COL25A1: variants seen among roughly 807,000 people sequenced by gnomAD.
The protein encoded by COL25A1 is collagen type XXV alpha 1 chain.
Under a neutral mutation model 128.4 loss-of-function variants are expected in COL25A1, and 103 were observed. That is an observed-to-expected ratio of 0.80 (90% CI 0.68 to 0.94). The LOEUF (loss-of-function observed/expected upper bound fraction) is 0.94, where lower values mean the gene tolerates loss of function less well. Among genes scored for constraint, COL25A1 ranks in the 40% least tolerant of loss-of-function variants. The pLI, the probability that COL25A1 is intolerant of heterozygous loss-of-function variation, is 0.00. For synonymous variants in COL25A1, 279 were observed against 277.2 expected, an observed-to-expected ratio of 1.01 and a Z score of -0.06; for missense variants, 745 against 840.0, an observed-to-expected ratio of 0.89 and a Z score of 1.40.
chr4:109,079,546 A>T (rs1763657027), intron 3 of COL25A1, among the ~76,000 whole-genome samples: 1 of 152,178 alleles, frequency 6.6e-6, no homozygotes, highest in East Asian at 1.9e-4. Context: ...GTACACAGAG[A>T]TATACAAACA....
intron 3 of COL25A1, among the ~76,000 whole-genome samples, chr4:109,131,633 A>C (rs963861062): frequency 1.4e-4 from 21 of 152,216 alleles, no homozygotes; most frequent in Non-Finnish European, 1.9e-4. Context: ...CAGAGCAGTA[A>C]AATCTTCCCT....
rs28644362 is a variant in COL25A1 at position 108,942,127 on chromosome 4, C to T, written c.493-690G>A. 3.4e-3 allele frequency: 4,861 copies of T among 1,409,466 alleles called. 128 individuals are homozygous for T. In the East Asian group the frequency reaches 0.057, roughly 16 times the overall value. 87.3% of individuals were successfully genotyped at this position (1,409,466 alleles called of 1,614,324 possible). A position where few individuals can be genotyped will look rare whatever the true frequency, so the allele number is the denominator to read the frequency against. ...TACCATGAGAGGAAGCCAACGGGCT[C>T]GGCAAGCCAATTGAATGGTTCCTGC... is the stretch of plus-strand genomic sequence containing the variant. On this transcript the variant is annotated intron_variant, in intron 8 of 37. Transcript: ENST00000399132.
chr4:109,209,028 C>A (rs535673191), intron 3 of COL25A1, among the ~76,000 whole-genome samples: 4 of 152,158 alleles, frequency 2.6e-5, no homozygotes, highest in African/African-American at 9.6e-5. Context: ...ATATTTCTTC[C>A]ATTTACATGA....
At chr4:109,211,535 C>T (rs973699034) in intron 3 of COL25A1, among the ~76,000 whole-genome samples, 15 of 150,612 alleles carry the variant, frequency 1.0e-4, no homozygotes, top group African/African-American at 2.2e-4. Context: ...GGGAGCAAGA[C>T]GTTCTTACTT....
At chr4:108,931,324 G>A (rs1346889839) in intron 11 of COL25A1, among the ~76,000 whole-genome samples, 1 of 152,180 alleles carries the variant, frequency 6.6e-6, no homozygotes, top group Non-Finnish European at 1.5e-5. Flanking sequence ...GGAATCTAAG[G>A]CCTAGATACC....
chr4:108,983,565 C>T (rs1017543751), intron 6 of COL25A1, among the ~76,000 whole-genome samples: 6 of 152,338 alleles, frequency 3.9e-5, no homozygotes, highest in Non-Finnish European at 8.8e-5. Flanking sequence ...GGTTCTTGGT[C>T]TCACTGACTT....
At chr4:108,994,002 T>C (rs1754493359) in intron 6 of COL25A1, among the ~76,000 whole-genome samples, 1 of 151,772 alleles carries the variant, frequency 6.6e-6, no homozygotes, top group African/African-American at 2.4e-5. Flanking sequence ...GATGGCCAAA[T>C]AGGAACAGCT....
chr4:109,256,074 T>C lies in COL25A1; in HGVS notation c.367+44509A>G, dbSNP rs947733627. Among the ~76,000 whole-genome samples the C allele has an allele frequency of 4.4e-5, 6 of 135,762 alleles. No individual in the cohort carries two copies. In the South Asian group the frequency reaches 9.1e-4, roughly 21 times the overall value. The allele number at this position is 135,762 out of a possible 152,430, so 89.1% of individuals were successfully genotyped here. A position where few individuals can be genotyped will look rare whatever the true frequency, so the allele number is the denominator to read the frequency against. On this transcript the variant is annotated intron_variant, in intron 3 of 37. Transcript: ENST00000399132. ...GAGAAACTACATGTGGATATTAACA[T>C]TTTAAGCATTGGTGTGTGTGTGTGT... is the stretch of plus-strand genomic sequence containing the variant.
intron 3 of COL25A1, among the ~76,000 whole-genome samples, chr4:109,079,987 A>G (rs1209275807): frequency 1.3e-5 from 2 of 152,058 alleles, no homozygotes; most frequent in East Asian, 1.9e-4. Context: ...GTTTATACTA[A>G]TATCAGTTGA....
At chr4:108,877,393 G>A (rs950227709) in intron 19 of COL25A1, among the ~76,000 whole-genome samples, 4 of 152,092 alleles carry the variant, frequency 2.6e-5, no homozygotes, top group Non-Finnish European at 4.4e-5. Context: ...GTCAATTAGT[G>A]TATGAGCATT....
intron 3 of COL25A1, among the ~76,000 whole-genome samples, chr4:109,054,182 T>C (rs1320853249): frequency 4.6e-5 from 7 of 152,246 alleles, no homozygotes. Context: ...AAGTTGACTA[T>C]ATGTGAACAA....
chr4:109,283,301 GC>G (rs1171222244), intron 3 of COL25A1, among the ~76,000 whole-genome samples: 2 of 152,192 alleles, frequency 1.3e-5, no homozygotes, highest in African/African-American at 4.8e-5. Context: ...AGGCTGGAGT[GC>G]AGTGGCATGG....
intron 5 of COL25A1, among the ~76,000 whole-genome samples, chr4:109,036,257 T>C (rs1042948638): frequency 1.1e-4 from 16 of 151,082 alleles, no homozygotes; most frequent in South Asian, 4.2e-4. Flanking sequence ...GATTTTTTTT[T>C]CCCCTCTAAA....
At chr4:108,920,701 G>T in intron 11 of COL25A1, 97 bp from the exon 12 acceptor site, 1 of 798,740 alleles carries the variant, frequency 1.3e-6, no homozygotes, top group South Asian at 2.5e-5. Context: ...TCTCTTTGCT[G>T]TACTGAAATA....
Position 108,813,698 on chromosome 4 carries a change from A to G in COL25A1, c.*229T>C, listed in dbSNP as rs991228986. The G allele has an allele frequency of 1.3e-4, 60 of 476,016 alleles. No homozygotes were observed. The highest frequency in any genetic ancestry group is 1.1e-3 in the African/African-American group (57 of 50,476). 29.5% of individuals were successfully genotyped at this position (476,016 alleles called of 1,614,324 possible). ...ATATAAATACGTATCTTCACATAAGATAAGGAGATACTGATCTATATTTTT... is the reference window on the plus strand; with the variant it reads ...ATATAAATACGTATCTTCACATAAGGTAAGGAGATACTGATCTATATTTTT... On this transcript the variant is annotated 3_prime_UTR_variant, in exon 38 of 38. Coordinates refer to ENST00000399132, the MANE Select transcript of COL25A1 (RefSeq NM_198721.4).
chr4:109,005,371 T>C (rs4131961), intron 6 of COL25A1, among the ~76,000 whole-genome samples: 121,298 of 152,152 alleles, frequency 0.8, 49,457 homozygotes, highest in East Asian at 1. Context: ...ACCTCCAACA[T>C]TGGGAATTAC....
intron 37 of COL25A1, among the ~76,000 whole-genome samples, chr4:108,816,789 C>T (rs752062063): frequency 2.6e-5 from 4 of 152,120 alleles, no homozygotes; most frequent in Non-Finnish European, 5.9e-5. Context: ...TATGAAAAGG[C>T]TTGTCATACA....
chr4:109,100,442 T>A (rs1471221252), intron 3 of COL25A1, among the ~76,000 whole-genome samples: 1 of 150,612 alleles, frequency 6.6e-6, no homozygotes, highest in Non-Finnish European at 1.5e-5. Flanking sequence ...ACTGGAAACA[T>A]ACACCCATGA....
intron 15 of COL25A1, among the ~76,000 whole-genome samples, chr4:108,897,450 T>C (rs553577659): frequency 4.6e-5 from 7 of 152,326 alleles, no homozygotes; most frequent in African/African-American, 1.7e-4. Context: ...AATATAAGTC[T>C]TACAATATGT....
Sources: gnomAD v4.1 joint callset for allele counts (sites outside exome capture counted in the v4.1 genomes callset) on GRCh38, gnomAD v4.1.1 for gene constraint, MANE v1.5 for transcripts, NCBI Gene and HGNC (gene_info 2026-07-23, HGNC 2026-07-21) for gene names.